Variants in MYOZ3 observed in about 807,000 individuals in gnomAD.
The protein encoded by MYOZ3 is myozenin-3.
A neutral mutation model predicts 26.5 loss-of-function variants in MYOZ3; 19 were observed. That is an observed-to-expected ratio of 0.72 (90% CI 0.50 to 1.05). The LOEUF (loss-of-function observed/expected upper bound fraction) is 1.05, where lower values mean the gene tolerates loss of function less well. Ranked by LOEUF, MYOZ3 falls within the 50% of genes least tolerant of loss-of-function variation. MYOZ3 has a pLI of 0.00. For synonymous variants in MYOZ3, 135 were observed against 138.8 expected, an observed-to-expected ratio of 0.97 and a Z score of 0.19; for missense variants, 322 against 337.1, an observed-to-expected ratio of 0.96 and a Z score of 0.35.
In MYOZ3 at chr5:150,676,798, C is replaced by A. The variant is rs1440634540; in HGVS notation, c.679C>A (p.Leu227Ile). Residue 227 changes from leucine to isoleucine, a missense_variant, in exon 7 of 7, where the codon CTC becomes ATC. By Grantham distance (5) the Leu-to-Ile change is conservative. Coordinates refer to ENST00000517768, the MANE Select transcript of MYOZ3 (RefSeq NM_001122853.3). Reference sequence around the variant, plus strand: ...CCCGGAGCCCCTCAGTGGCTTGGAACTCCTCCGTCTCAGACCCAGCTTCAA... The same window carrying A: ...CCCGGAGCCCCTCAGTGGCTTGGAAATCCTCCGTCTCAGACCCAGCTTCAA... ...FIPEPLSGLE[L>I]LRLRPSFNRV... 4.3e-6 allele frequency: 7 copies of A among 1,613,916 alleles called. No individual in the cohort carries two copies. Among genetic ancestry groups the A allele is most frequent in the Non-Finnish European group, 5.9e-6 (7 of 1,180,030 alleles).
At position 150,672,443 on chromosome 5, in the gene MYOZ3, CTA is replaced by C; in HGVS notation, c.529_530del (p.Tyr177ProfsTer67). The C allele has an allele frequency of 2.5e-6, 4 of 1,611,094 alleles. No homozygotes were observed. The highest frequency in any genetic ancestry group is 3.4e-6 in the Non-Finnish European group (4 of 1,178,514). ...GGCAGGAGTTCGTCAGCTACCGGGACTACCAGAGCGATGGCCGAAGTCACACC... is the reference window on the plus strand; with the variant it reads ...GGCAGGAGTTCGTCAGCTACCGGGACCCAGAGCGATGGCCGAAGTCACACC... ...PWQEFVSYRD[Y>X]QSDGRSHTPS... On this transcript the variant is annotated frameshift_variant, in exon 6 of 7. Transcript: ENST00000517768. LOFTEE classifies it high-confidence loss of function.
At position 150,666,761 on chromosome 5, in the gene MYOZ3, T is replaced by TA. The variant is rs376282657; in HGVS notation, c.62-3723_62-3722insA. Among the ~76,000 whole-genome samples, 758 of 115,662 alleles carry TA rather than the reference T, an allele frequency of 6.6e-3. 2 individuals are homozygous for TA. The highest frequency in any genetic ancestry group is 0.025 in the Middle Eastern group (6 of 236). The allele number at this position is 115,662 out of a possible 152,430, so 75.9% of individuals were successfully genotyped here. A position where few individuals can be genotyped will look rare whatever the true frequency, so the allele number is the denominator to read the frequency against. ...CTCCAATTAATTTATACTGGATTTC[T>TA]TTTTTTCTTTTTTTTTTGAGACAGC... On this transcript the variant is annotated intron_variant, in intron 2 of 6. Coordinates refer to ENST00000517768, the MANE Select transcript of MYOZ3 (RefSeq NM_001122853.3).
At chr5:150,672,236 A>ACCC in intron 5 of MYOZ3, 104 bp from the exon 6 acceptor site, 1 of 1,511,008 alleles carries the variant, frequency 6.6e-7, no homozygotes, top group Non-Finnish European at 9.0e-7. Flanking sequence ...CCTAACTCCG[A>ACCC]TCTTCCCTCC....
At chr5:150,661,209 T>A (rs1213522987), upstream of MYOZ3, 1 of 152,386 alleles carries the variant, frequency 6.6e-6, no homozygotes, top group African/African-American at 2.4e-5. Flanking sequence ...CTCCAGCTCC[T>A]ATTGCAGCCC....
intron 3 of MYOZ3, 97 bp downstream of exon 3, chr5:150,670,735 A>C: frequency 8.1e-7 from 1 of 1,238,250 alleles, no homozygotes; most frequent in Non-Finnish European, 1.1e-6. Flanking sequence ...GAGGACTGTG[A>C]TGTTCCCATC....
intron 2 of MYOZ3, among the ~76,000 whole-genome samples, chr5:150,666,626 A>C (rs1304042485): frequency 7.0e-6 from 1 of 142,104 alleles, no homozygotes; most frequent in Non-Finnish European, 1.5e-5. Flanking sequence ...AAAAAAAAAA[A>C]AAAAATATAT....
At chr5:150,661,599 G>C (rs969419540) in intron 1 of MYOZ3, among the ~76,000 whole-genome samples, 172 bp downstream of exon 1, 7 of 152,144 alleles carry the variant, frequency 4.6e-5, no homozygotes, top group Admixed American at 1.3e-4. Flanking sequence ...CTAAGCTCTA[G>C]GTTACCCTGC....
intron 2 of MYOZ3, among the ~76,000 whole-genome samples, chr5:150,667,913 A>T (rs1177379097): frequency 6.6e-6 from 1 of 152,260 alleles, no homozygotes; most frequent in East Asian, 1.9e-4. Context: ...CTTACATGCC[A>T]CAAAGATATT....
intron 2 of MYOZ3, among the ~76,000 whole-genome samples, chr5:150,666,135 ATTCTT>A (rs970666131): frequency 7.9e-5 from 12 of 151,830 alleles, no homozygotes; most frequent in African/African-American, 2.9e-4. Context: ...AGGTATAACT[ATTCTT>A]TTATATTTTT....
chr5:150,662,137 A>G (rs1426129518), intron 1 of MYOZ3, among the ~76,000 whole-genome samples: 1 of 152,182 alleles, frequency 6.6e-6, no homozygotes, highest in Non-Finnish European at 1.5e-5. Context: ...GAAAACCTGG[A>G]GGCAAAGGAG....
chr5:150,663,072 T>A, intron 2 of MYOZ3, 70 bp downstream of exon 2: 1 of 1,334,818 alleles, frequency 7.5e-7, no homozygotes, highest in Non-Finnish European at 1.0e-6. Context: ...GCACTCACTC[T>A]GGCCTGCTGG....
At chr5:150,674,848 A>G (rs1561672263) in intron 6 of MYOZ3, among the ~76,000 whole-genome samples, 1 of 152,130 alleles carries the variant, frequency 6.6e-6, no homozygotes, top group African/African-American at 2.4e-5. Flanking sequence ...CATTTCTACT[A>G]AAAATACAAA....
chr5:150,676,618 G>A (rs1455493656), intron 6 of MYOZ3, 89 bp from the exon 7 acceptor site: 20 of 1,308,950 alleles, frequency 1.5e-5, no homozygotes, highest in Non-Finnish European at 2.1e-5. Context: ...AGAGCGGCAG[G>A]GAGGGGCCCA....
At position 150,676,736 on chromosome 5, in the gene MYOZ3, T is replaced by TG. The variant is rs766492573; in HGVS notation, c.623dup (p.Thr209HisfsTer36). On this transcript the variant is annotated frameshift_variant, in exon 7 of 7. Transcript: ENST00000517768. LOFTEE classifies it high-confidence loss of function. ...CCGGTGCCATTTGGAGGACCCCTCG[T>TG]GGGGGGCACTTTTCCCAGGCCAGGC... 3.1e-6 allele frequency: 5 copies of TG among 1,613,752 alleles called. No homozygotes were observed. Among genetic ancestry groups the TG allele is most frequent in the Non-Finnish European group, 4.2e-6 (5 of 1,179,976 alleles).
chr5:150,676,486 G>A (rs187817144), intron 6 of MYOZ3, among the ~76,000 whole-genome samples: 8 of 149,350 alleles, frequency 5.4e-5, no homozygotes, highest in Non-Finnish European at 1.0e-4. Context: ...GGAGGTTGCA[G>A]TGAGCTGAGA....
chr5:150,672,583 C>G, intron 6 of MYOZ3, 81 bp downstream of exon 6: 1 of 1,470,090 alleles, frequency 6.8e-7, no homozygotes, highest in Non-Finnish European at 9.1e-7. Context: ...CCTGCGTTTC[C>G]TGAGCACTTT....
chr5:150,675,457 C>G (rs1758989785), intron 6 of MYOZ3, among the ~76,000 whole-genome samples: 1 of 152,068 alleles, frequency 6.6e-6, no homozygotes, highest in Admixed American at 6.5e-5. Flanking sequence ...ACTGCAACCT[C>G]TGCCTCTCAG....
chr5:150,666,160 G>C (rs1402070945), intron 2 of MYOZ3, among the ~76,000 whole-genome samples: 1 of 151,944 alleles, frequency 6.6e-6, no homozygotes, highest in Non-Finnish European at 1.5e-5. Context: ...TAAGTAGGCA[G>C]TACACTTTCT....
chr5:150,671,673 T>C (rs2151447969), intron 4 of MYOZ3, 23 bp downstream of exon 4: 2 of 1,610,900 alleles, frequency 1.2e-6, no homozygotes, highest in Admixed American at 1.7e-5. Flanking sequence ...GGGAGCTCCC[T>C]GGAAGGGAAG....
Sources: allele counts gnomAD v4.1 joint callset (sites outside exome capture counted in the v4.1 genomes callset), GRCh38; gene constraint gnomAD v4.1.1; transcripts MANE v1.5; gene names NCBI Gene and HGNC (gene_info 2026-07-23, HGNC 2026-07-21).